Variants in MINDY2 observed in about 807,000 individuals in gnomAD.
The protein encoded by MINDY2 is ubiquitin carboxyl-terminal hydrolase MINDY-2.
A neutral mutation model predicts 68.2 loss-of-function variants in MINDY2; 52 were observed. The observed-to-expected ratio is 0.76, with a 90% confidence interval of 0.61 to 0.96. The LOEUF is 0.96. Ranked by LOEUF, MINDY2 falls within the 40% of genes least tolerant of loss-of-function variation. MINDY2 has a pLI of 0.00. For missense variants in MINDY2, 881 were observed against 773.4 expected, an observed-to-expected ratio of 1.14 and a Z score of -1.65; for synonymous variants, 372 against 303.0, an observed-to-expected ratio of 1.23 and a Z score of -2.36.
At chr15:58,807,089 C>G (rs1468284223) in intron 3 of MINDY2, among the ~76,000 whole-genome samples, 2 of 152,016 alleles carry the variant, frequency 1.3e-5, no homozygotes, top group Non-Finnish European at 2.9e-5. Flanking sequence ...TTGTCTTTTT[C>G]AAATTTCAAA....
chr15:58,857,870 T>C lies in MINDY2; in HGVS notation c.*3260T>C, dbSNP rs1316599479. The C allele has an allele frequency of 6.6e-6, 1 of 152,230 alleles. No homozygotes were observed. The highest frequency in any genetic ancestry group is 1.5e-5 in the Non-Finnish European group (1 of 68,034). 9.4% of individuals were successfully genotyped at this position (152,230 alleles called of 1,614,324 possible). A position where few individuals can be genotyped will look rare whatever the true frequency, so the allele number is the denominator to read the frequency against. ...GCACTTTCCTTTTACTTTCAGAGTC[T>C]AAGTATATTCCTTAAGGTTAGTAAC... On this transcript the variant is annotated 3_prime_UTR_variant, in exon 9 of 9. Transcript: ENST00000559228.
At chr15:58,806,315 C>T (rs1177484559) in intron 3 of MINDY2, among the ~76,000 whole-genome samples, 2 of 151,594 alleles carry the variant, frequency 1.3e-5, no homozygotes, top group African/African-American at 4.8e-5. Flanking sequence ...CTCAAGTGAT[C>T]CACCTGTCTG....
At chr15:58,818,677 T>C (rs1386146086) in intron 4 of MINDY2, among the ~76,000 whole-genome samples, 2 of 144,940 alleles carry the variant, frequency 1.4e-5, no homozygotes, top group African/African-American at 5.3e-5. Flanking sequence ...TTTGAGACAG[T>C]GTTTTTGTTC....
chr15:58,791,719 T>G (rs1221729773), intron 2 of MINDY2, among the ~76,000 whole-genome samples: 1 of 150,918 alleles, frequency 6.6e-6, no homozygotes, highest in Admixed American at 6.6e-5. Context: ...ATAATATAAA[T>G]TAAATTTAAT....
At chr15:58,839,899 C>G (rs1228367523) in intron 6 of MINDY2, among the ~76,000 whole-genome samples, 1 of 150,158 alleles carries the variant, frequency 6.7e-6, no homozygotes, top group Non-Finnish European at 1.5e-5. Context: ...GTGGAGCAAT[C>G]TCAGCTCACT....
chr15:58,824,625 C>T (rs372145813), intron 5 of MINDY2, among the ~76,000 whole-genome samples: 47 of 150,930 alleles, frequency 3.1e-4, no homozygotes, highest in African/African-American at 1.0e-3. Context: ...CCGTAATAGA[C>T]ATTTTTACTT....
chr15:58,854,176 G>A (rs1595790282), intron 8 of MINDY2, among the ~76,000 whole-genome samples: 1 of 151,736 alleles, frequency 6.6e-6, no homozygotes. Context: ...CCCAGGAAGT[G>A]GAGGTTGCAG....
intron 5 of MINDY2, among the ~76,000 whole-genome samples, chr15:58,830,988 AG>A (rs1449737599): frequency 6.7e-6 from 1 of 148,284 alleles, no homozygotes; most frequent in Non-Finnish European, 1.5e-5. Flanking sequence ...ACTTGCAATG[AG>A]GATCGATTGT....
chr15:58,789,623 A>G (rs1224571339), intron 2 of MINDY2, among the ~76,000 whole-genome samples: 12 of 150,994 alleles, frequency 7.9e-5, no homozygotes, highest in African/African-American at 2.9e-4. Context: ...ACACCCAGCT[A>G]ATTTTTGGGT....
chr15:58,805,793 C>T (rs1325478900), intron 3 of MINDY2, among the ~76,000 whole-genome samples: 1 of 152,050 alleles, frequency 6.6e-6, no homozygotes, highest in African/African-American at 2.4e-5. Context: ...GACAGAGTCT[C>T]GGCTGGGCAC....
intron 2 of MINDY2, among the ~76,000 whole-genome samples, chr15:58,789,940 C>A (rs1433309373): frequency 1.3e-5 from 2 of 151,890 alleles, no homozygotes; most frequent in African/African-American, 4.8e-5. Context: ...AGCCACCGTG[C>A]CTGGTTAAGT....
chr15:58,821,040 G>T (rs2031029273), intron 4 of MINDY2, among the ~76,000 whole-genome samples: 1 of 151,450 alleles, frequency 6.6e-6, no homozygotes, highest in African/African-American at 2.4e-5. Flanking sequence ...AAAGCAAAGT[G>T]TAATGGAGAG....
chr15:58,806,488 G>A (rs868060431), intron 3 of MINDY2, among the ~76,000 whole-genome samples: 10 of 151,612 alleles, frequency 6.6e-5, no homozygotes, highest in African/African-American at 2.4e-4. Flanking sequence ...CTCCCAAAGT[G>A]CTGGGATTAC....
At chr15:58,788,856 A>G (rs1595710949) in intron 2 of MINDY2, among the ~76,000 whole-genome samples, 2 of 152,128 alleles carry the variant, frequency 1.3e-5, no homozygotes, top group East Asian at 1.9e-4. Context: ...TACTAAAAAT[A>G]CAAAAATTAG....
chr15:58,811,826 A>C (rs942604651), intron 4 of MINDY2, among the ~76,000 whole-genome samples: 2 of 152,198 alleles, frequency 1.3e-5, no homozygotes. Flanking sequence ...GGGTGAAAGG[A>C]AAAAATAATT....
intron 2 of MINDY2, among the ~76,000 whole-genome samples, chr15:58,791,626 G>GTC (rs1567044112): frequency 7.3e-6 from 1 of 136,488 alleles, no homozygotes; most frequent in Non-Finnish European, 1.5e-5. Flanking sequence ...CAAAATATGT[G>GTC]TGTGTGTGTG....
rs377007175 is a variant in MINDY2, at chr15:58,774,856, A to G, written c.840+2621A>G. ...AACGAAATGGTGGTAATAGCAGGACATAAAATTGATGGGTTTTATCAGACT... is the reference window on the plus strand; with the variant it reads ...AACGAAATGGTGGTAATAGCAGGACGTAAAATTGATGGGTTTTATCAGACT... On this transcript the variant is annotated intron_variant, in intron 1 of 8. Coordinates refer to ENST00000559228, the MANE Select transcript of MINDY2 (RefSeq NM_001040450.3). 8.0e-4 allele frequency among the ~76,000 whole-genome samples: 122 copies of G among 152,364 alleles called. 6 individuals carry two copies. In the South Asian group the frequency reaches 0.024, roughly 30 times the overall value.
chr15:58,780,329 G>C (rs7168825), intron 1 of MINDY2, among the ~76,000 whole-genome samples: 24,636 of 152,002 alleles, frequency 0.16, 2,222 homozygotes, highest in South Asian at 0.34. Context: ...ACTTTAACCT[G>C]GGAGGGAGGT....
At chr15:58,790,456 T>C (rs1335838397) in intron 2 of MINDY2, among the ~76,000 whole-genome samples, 4 of 152,120 alleles carry the variant, frequency 2.6e-5, no homozygotes, top group Non-Finnish European at 5.9e-5. Flanking sequence ...GCCCTAAAGA[T>C]GTAACAGCAA....
Sources: gnomAD v4.1 joint callset for allele counts (sites outside exome capture counted in the v4.1 genomes callset) on GRCh38, gnomAD v4.1.1 for gene constraint, MANE v1.5 for transcripts, NCBI Gene and HGNC (gene_info 2026-07-23, HGNC 2026-07-21) for gene names.